The following DNAH8 variants were observed in gnomAD, a reference collection of about 807,000 sequenced individuals.
DNAH8 encodes axonemal beta dynein heavy chain 8.
DNAH8 carries 382 observed loss-of-function variants against 562.1 expected under a neutral mutation model. The ratio of observed to expected loss-of-function variants is 0.68; its 90% CI spans 0.63 to 0.74. DNAH8 has a LOEUF of 0.74. DNAH8 is among the 30% of genes least tolerant of loss of function. The pLI, the probability that DNAH8 is intolerant of heterozygous loss-of-function variation, is 0.00. For missense variants in DNAH8, 5,203 were observed against 5,620.4 expected (o/e 0.93, Z 2.37); for synonymous variants, 1,881 against 1,919.4 (o/e 0.98, Z 0.52).
In DNAH8 at chr6:38,850,020, A is replaced by G. The variant is rs570129341; in HGVS notation, c.5200-231A>G. Among the ~76,000 whole-genome samples the G allele has an allele frequency of 2.6e-5, 4 of 151,842 alleles. 1 individual carries two copies. In the South Asian group the frequency reaches 8.3e-4, roughly 31 times the overall value. On this transcript the variant is annotated intron_variant, in intron 37 of 92. Transcript: ENST00000327475. ...AAACATGTTAAATGCAATGAAACAA[A>G]TAAGCAATAAGCCTCATTGTGATAA...
Position 38,911,093 on chromosome 6 carries a change from A to C in DNAH8, c.9741-375A>C, listed in dbSNP as rs573187250. 4.6e-5 allele frequency among the ~76,000 whole-genome samples: 7 copies of C among 152,370 alleles called. No individual in the cohort carries two copies. In the South Asian group the frequency reaches 1.4e-3, roughly 32 times the overall value. ...ATGGATCACAGCACAAATTCATTTCAACCACTTATCCCTAATATTTGTCCA... is the reference window on the plus strand; with the variant it reads ...ATGGATCACAGCACAAATTCATTTCCACCACTTATCCCTAATATTTGTCCA... On this transcript the variant is annotated intron_variant, in intron 65 of 92. Transcript: ENST00000327475.
chr6:38,749,938 T>A (rs182933657), intron 8 of DNAH8, among the ~76,000 whole-genome samples: 1,619 of 152,340 alleles, frequency 0.011, 15 homozygotes, highest in Non-Finnish European at 0.017. Context: ...GTTCATGCCA[T>A]TCTCCTGCCT....
At chr6:38,809,627 C>T (rs1216882796) in intron 24 of DNAH8, among the ~76,000 whole-genome samples, 1 of 152,064 alleles carries the variant, frequency 6.6e-6, no homozygotes, top group African/African-American at 2.4e-5. Flanking sequence ...ATTGATATGT[C>T]TTCTTTAATA....
intron 73 of DNAH8, among the ~76,000 whole-genome samples, chr6:38,924,455 G>A (rs1356719699): frequency 1.3e-5 from 2 of 151,710 alleles, no homozygotes; most frequent in Non-Finnish European, 2.9e-5. Context: ...ATGGTTCCGA[G>A]ATCACGCCAC....
intron 8 of DNAH8, among the ~76,000 whole-genome samples, chr6:38,747,102 C>T (rs1765007258): frequency 6.6e-6 from 1 of 152,058 alleles, no homozygotes; most frequent in Non-Finnish European, 1.5e-5. Context: ...TAGCAGCTAA[C>T]ATTTATTGTG....
chr6:38,725,512 G>A (rs1255790203), intron 3 of DNAH8, among the ~76,000 whole-genome samples: 1 of 151,998 alleles, frequency 6.6e-6, no homozygotes, highest in Non-Finnish European at 1.5e-5. Flanking sequence ...ATGGGGATGT[G>A]ATTGATGCAA....
Position 38,945,532 on chromosome 6 carries a change from T to C in DNAH8, c.12073T>C (p.Trp4025Arg). 6.2e-7 allele frequency: 1 copy of C among 1,614,162 alleles called. No individual in the cohort carries two copies. The highest frequency in any genetic ancestry group is 1.7e-4 in the Middle Eastern group (1 of 6,058). Residue 4025 changes from tryptophan (W) to arginine (R), a missense_variant, in exon 80 of 93, where the codon TGG becomes CGG. Around this residue, in one of 6 missense-constraint regions of DNAH8, gnomAD observed 1,399 missense variants for 1,518.4 expected, o/e 0.92. Coordinates refer to ENST00000327475, the MANE Select transcript of DNAH8 (RefSeq NM_001206927.2). Reference sequence around the variant, plus strand: ...CTATCGCTGGATCCTTGACATGACTTGGCTGAATCTTGTGGAGCTGAGTAA... The same window carrying C: ...CTATCGCTGGATCCTTGACATGACTCGGCTGAATCTTGTGGAGCTGAGTAA... The part of the protein sequence containing the change: ...KPYRWILDMT[W>R]LNLVELSKLP...
In DNAH8 at chr6:38,837,933, T is replaced by C; in HGVS notation, c.4366-9T>C. On this transcript the variant is annotated splice_polypyrimidine_tract_variant and intron_variant, in intron 32 of 92. Coordinates refer to ENST00000327475, the MANE Select transcript of DNAH8 (RefSeq NM_001206927.2). ...GTATTTTAGTACAATTTAAAAACCT[T>C]TGTTACAGGCCAGTTTCGATGATCT... The C allele has an allele frequency of 1.9e-6, 3 of 1,592,128 alleles. No individual in the cohort carries two copies. The highest frequency in any genetic ancestry group is 8.6e-7 in the Non-Finnish European group (1 of 1,163,904).
At position 38,850,313 on chromosome 6, in the gene DNAH8, G is replaced by A; in HGVS notation, c.5262G>A (p.Glu1754=). ...TAAAAATAATGCAGCGAGCTCATGA[G>A]AATCCCAATGTGATTAATTGCTGTG... ...SWIKIMQRAH[E]NPNVINCCVG... Residue 1754 remains glutamate (E), a synonymous_variant, in exon 38 of 93, where the codon GAG becomes GAA. Transcript: ENST00000327475. The A allele has an allele frequency of 1.2e-6, 2 of 1,613,678 alleles. No individual in the cohort carries two copies. Among genetic ancestry groups the A allele is most frequent in the Non-Finnish European group, 1.7e-6 (2 of 1,179,694 alleles).
intron 10 of DNAH8, among the ~76,000 whole-genome samples, chr6:38,758,846 C>T (rs904320165): frequency 5.9e-5 from 9 of 151,824 alleles, no homozygotes; most frequent in African/African-American, 2.2e-4. Context: ...GATTTGTGTA[C>T]GTTGAACCAG....
chr6:38,816,572 A>C (rs1279909590), intron 26 of DNAH8, among the ~76,000 whole-genome samples: 1 of 121,024 alleles, frequency 8.3e-6, no homozygotes, highest in African/African-American at 3.5e-5. Context: ...TTATAATAGA[A>C]TGATTTATAT....
chr6:38,827,951 A>G (rs1443409457), intron 29 of DNAH8, among the ~76,000 whole-genome samples: 3 of 151,982 alleles, frequency 2.0e-5, no homozygotes, highest in Non-Finnish European at 4.4e-5. Flanking sequence ...ATACATCTCC[A>G]TCAGAATCAC....
chr6:38,744,057 A>G (rs1764730552), intron 8 of DNAH8: 1 of 152,252 alleles, frequency 6.6e-6, no homozygotes, highest in Admixed American at 6.5e-5. Flanking sequence ...ACTAATTATC[A>G]GTTAAGTTAT....
At chr6:39,013,112 T>A (rs1428795833) in intron 91 of DNAH8, among the ~76,000 whole-genome samples, 1 of 152,254 alleles carries the variant, frequency 6.6e-6, no homozygotes, top group East Asian at 1.9e-4. Flanking sequence ...GTTTTCTTTT[T>A]CTTTTTTCCT....
intron 82 of DNAH8, among the ~76,000 whole-genome samples, 163 bp downstream of exon 82, chr6:38,951,683 G>A (rs1489951898): frequency 6.6e-6 from 1 of 152,010 alleles, no homozygotes; most frequent in Non-Finnish European, 1.5e-5. Flanking sequence ...CCTAAAGTGA[G>A]GGTATGATAT....
chr6:38,918,241 G>A, intron 70 of DNAH8, 101 bp downstream of exon 70: 1 of 795,304 alleles, frequency 1.3e-6, no homozygotes, highest in Non-Finnish European at 1.9e-6. Flanking sequence ...ACCAATAAAG[G>A]TAGATGTCCC....
intron 28 of DNAH8, 84 bp downstream of exon 28, chr6:38,823,772 C>T: frequency 1.1e-6 from 1 of 871,286 alleles, no homozygotes; most frequent in Non-Finnish European, 1.7e-6. Flanking sequence ...ATTAAGTTAT[C>T]TTGGTACAAT....
intron 10 of DNAH8, among the ~76,000 whole-genome samples, chr6:38,756,669 C>G (rs1738183): frequency 7.1e-5 from 10 of 140,790 alleles, no homozygotes; most frequent in Middle Eastern, 7.7e-3. Flanking sequence ...ATCCCTCCCC[C>G]CTCCCTCCAC....
At chr6:38,890,979 C>T (rs937378387) in intron 58 of DNAH8, among the ~76,000 whole-genome samples, 3 of 152,156 alleles carry the variant, frequency 2.0e-5, no homozygotes, top group African/African-American at 7.2e-5. Context: ...TTACTGTAAA[C>T]CAGACATGAC....
Sources: gnomAD v4.1 joint callset for allele counts (sites outside exome capture counted in the v4.1 genomes callset) on GRCh38, gnomAD v4.1.1 for gene constraint, gnomAD v4.1.1 regional missense constraint, MANE v1.5 for transcripts, NCBI Gene and HGNC (gene_info 2026-07-23, HGNC 2026-07-21) for gene names.